ATF7IP: variants seen among roughly 807,000 people sequenced by gnomAD.
ATF7IP encodes activating transcription factor 7 interacting protein.
In ATF7IP, 23 loss-of-function variants were observed where a neutral mutation model predicts 106.4. The ratio of observed to expected loss-of-function variants is 0.22; its 90% CI spans 0.16 to 0.31. ATF7IP has a LOEUF of 0.31. Ranked by LOEUF, ATF7IP falls within the 10% of genes least tolerant of loss-of-function variation. The pLI is 1.00. For synonymous variants in ATF7IP, 542 were observed against 539.0 expected (o/e 1.01, Z -0.08); for missense variants, 1,334 against 1,524.3 (o/e 0.88, Z 2.08).
chr12:14,369,317 G>A (rs967991809), intron 1 of ATF7IP: 4 of 151,886 alleles, frequency 2.6e-5, no homozygotes, highest in Admixed American at 2.6e-4. Flanking sequence ...AATATTACCT[G>A]TTGTAAGGTG....
chr12:14,484,650 CTG>C (rs1319972586), intron 13 of ATF7IP, among the ~76,000 whole-genome samples: 2 of 152,188 alleles, frequency 1.3e-5, no homozygotes, highest in African/African-American at 4.8e-5. Context: ...CCCTAGTCAT[CTG>C]TTCCGCTGTC....
At chr12:14,466,477 T>G in intron 9 of ATF7IP, 49 bp from the exon 10 acceptor site, 2 of 1,494,632 alleles carry the variant, frequency 1.3e-6, no homozygotes, top group Non-Finnish European at 1.8e-6. Flanking sequence ...GCAACTTAAC[T>G]TTTTACATTT....
chr12:14,433,739 C>T (rs890389688), intron 2 of ATF7IP, among the ~76,000 whole-genome samples: 1 of 151,790 alleles, frequency 6.6e-6, no homozygotes, highest in Non-Finnish European at 1.5e-5. Flanking sequence ...ACAAAAAATA[C>T]AGTTTACAGT....
intron 6 of ATF7IP, 51 bp downstream of exon 6, chr12:14,447,104 C>A (rs754284471): frequency 2.2e-6 from 3 of 1,384,310 alleles, no homozygotes; most frequent in Admixed American, 2.2e-5. Context: ...AAGTGGTAAT[C>A]TTAGGAAATG....
chr12:14,405,431 T>G (rs1485006009), intron 1 of ATF7IP, among the ~76,000 whole-genome samples: 3 of 87,904 alleles, frequency 3.4e-5, no homozygotes, highest in African/African-American at 5.4e-5. Context: ...TTTTTTTTTT[T>G]TGTGACAGGA....
intron 6 of ATF7IP, among the ~76,000 whole-genome samples, chr12:14,453,193 G>T (rs1368260506): frequency 6.6e-6 from 1 of 150,820 alleles, no homozygotes; most frequent in Non-Finnish European, 1.5e-5. Context: ...ATGTTTTTGG[G>T]TTAACAATAG....
At position 14,478,345 on chromosome 12, in the gene ATF7IP, A is replaced by G. The variant is rs1184950398; in HGVS notation, c.2970A>G (p.Val990=). 6.2e-7 allele frequency: 1 copy of G among 1,613,918 alleles called. No homozygotes were observed. Among genetic ancestry groups the G allele is most frequent in the Non-Finnish European group, 8.5e-7 (1 of 1,179,928 alleles). ...CCAAAAAACTAAATCACACTCCTGT[A>G]TCAACCATGAGTTCTTCTCAGCCTG... is the stretch of plus-strand genomic sequence containing the variant. ...QDPKKLNHTP[V]STMSSSQPVS... The change falls in exon 12 of 15, where the codon GTA becomes GTG. Residue 990 remains valine, a synonymous_variant. Coordinates refer to ENST00000261168, the MANE Select transcript of ATF7IP (RefSeq NM_018179.5).
chr12:14,380,455 C>G (rs1174152630), intron 1 of ATF7IP, among the ~76,000 whole-genome samples: 1 of 152,112 alleles, frequency 6.6e-6, no homozygotes, highest in East Asian at 1.9e-4. Context: ...GACCTTAGGT[C>G]TTATGTCTTG....
rs146816712 is a variant in ATF7IP at position 14,424,300 on chromosome 12, C to A, written c.385C>A (p.Pro129Thr). Residue 129 changes from proline (P) to threonine (T), a missense_variant, in exon 2 of 15, where the codon CCA becomes ACA. Around this residue, in one of 10 missense-constraint regions of ATF7IP, gnomAD observed 438 missense variants for 405.3 expected, o/e 1.08. Coordinates refer to ENST00000261168, the MANE Select transcript of ATF7IP (RefSeq NM_018179.5). ...PEPVSKLPAE[P>T]VSGDPAPGDL... ...ACCAGTCTCTAAACTGCCTGCTGAA[C>A]CAGTTTCTGGTGATCCAGCCCCTGG... The A allele has an allele frequency of 6.2e-7, 1 of 1,614,234 alleles. No homozygotes were observed. The highest frequency in any genetic ancestry group is 1.3e-5 in the African/African-American group (1 of 75,058).
chr12:14,438,851 G>A (rs1000612993), intron 5 of ATF7IP, among the ~76,000 whole-genome samples: 6 of 152,024 alleles, frequency 3.9e-5, no homozygotes, highest in Non-Finnish European at 1.5e-5. Context: ...AAACCATAAC[G>A]GAGACTCAGA....
rs372036691 is a variant in ATF7IP, at chr12:14,434,369, C to A, written c.1591C>A (p.Pro531Thr). The change falls in exon 3 of 15, where the codon CCT (proline) becomes ACT (threonine). Residue 531 changes from proline to threonine, a missense_variant. This residue lies in a region of ATF7IP where 119 missense variants were observed against 117.8 expected (regional missense o/e 1.01). Coordinates refer to ENST00000261168, the MANE Select transcript of ATF7IP (RefSeq NM_018179.5). ...EVESNEKDNKPEEEEQVIHED... is the reference protein window; with the variant it reads ...EVESNEKDNKTEEEEQVIHED... ...AGAAAGTAATGAAAAGGACAACAAA[C>A]CTGAGGAAGAAGAGCAAGTAATACA... The A allele has an allele frequency of 6.3e-6, 10 of 1,591,086 alleles. 1 individual carries two copies. The highest frequency in any genetic ancestry group is 8.6e-6 in the Non-Finnish European group (10 of 1,162,386).
intron 1 of ATF7IP, among the ~76,000 whole-genome samples, chr12:14,387,323 A>G (rs1286733633): frequency 6.6e-6 from 1 of 151,996 alleles, no homozygotes; most frequent in Non-Finnish European, 1.5e-5. Context: ...TGTGACCTTG[A>G]TCACTCTTAT....
At chr12:14,375,153 G>T (rs1938686193) in intron 1 of ATF7IP, among the ~76,000 whole-genome samples, 1 of 151,220 alleles carries the variant, frequency 6.6e-6, no homozygotes. Flanking sequence ...AAAAAAAAAG[G>T]GAATAAGATA....
chr12:14,423,120 T>TG (rs1941622441), intron 1 of ATF7IP, among the ~76,000 whole-genome samples: 5 of 152,182 alleles, frequency 3.3e-5, no homozygotes, highest in Admixed American at 3.3e-4. Flanking sequence ...GGTTTTGACT[T>TG]GCGTTTCCCT....
rs190092474 is a variant in ATF7IP, at chr12:14,370,384, C to T, written c.-8+4557C>T. ...TTGCATTGTTTTATTTGCTGTAGGA[C>T]GGTACACAATTTAAATATGTGTTTG... On this transcript the variant is annotated intron_variant, in intron 1 of 14. Coordinates refer to ENST00000261168, the MANE Select transcript of ATF7IP (RefSeq NM_018179.5). 1.4e-4 allele frequency among the ~76,000 whole-genome samples: 21 copies of T among 152,188 alleles called. No homozygotes were observed. The East Asian group carries it at 2.1e-3, about 15-fold the overall frequency.
rs762543227 is a variant in ATF7IP at position 14,413,664 on chromosome 12, A to G, written c.-7-10245A>G. Among the ~76,000 whole-genome samples the G allele has an allele frequency of 2.0e-5, 3 of 152,206 alleles. No homozygotes were observed. In the East Asian group the frequency reaches 5.8e-4, roughly 29 times the overall value. ...TGTAAAGTTGAAATTAATATAAATT[A>G]TCACATAAACTAATGAGAAAAGGAT... On this transcript the variant is annotated intron_variant, in intron 1 of 14. Coordinates refer to ENST00000261168, the MANE Select transcript of ATF7IP (RefSeq NM_018179.5).
intron 13 of ATF7IP, among the ~76,000 whole-genome samples, chr12:14,494,509 T>A (rs1052144571): frequency 6.8e-6 from 1 of 146,888 alleles, no homozygotes; most frequent in African/African-American, 2.5e-5. Context: ...ATATACTTTA[T>A]ATCCTACTAT....
intron 2 of ATF7IP, 48 bp downstream of exon 2, chr12:14,425,521 A>T: frequency 6.8e-7 from 1 of 1,467,030 alleles, no homozygotes. Context: ...ACTTTGATGA[A>T]CTGTTTAATA....
chr12:14,413,726 G>C (rs1270297277), intron 1 of ATF7IP, among the ~76,000 whole-genome samples: 2 of 152,070 alleles, frequency 1.3e-5, no homozygotes, highest in East Asian at 3.9e-4. Context: ...ATTATTCCTC[G>C]ATAAGCATCA....
Sources: allele counts gnomAD v4.1 joint callset (sites outside exome capture counted in the v4.1 genomes callset), GRCh38; gene constraint gnomAD v4.1.1; regional missense constraint gnomAD v4.1.1; transcripts MANE v1.5; gene names NCBI Gene and HGNC (gene_info 2026-07-23, HGNC 2026-07-21).